Variants in TRPM2 observed in about 807,000 individuals in gnomAD.
The protein encoded by TRPM2 is estrogen-responsive element-associated gene 1 protein.
TRPM2 carries 161 observed loss-of-function variants against 174.0 expected under a neutral mutation model. The observed-to-expected ratio is 0.93, with a 90% CI of 0.81 to 1.05. The LOEUF (loss-of-function observed/expected upper bound fraction) is 1.05. Ranked by LOEUF, TRPM2 falls within the 50% of genes least tolerant of loss-of-function variation. The pLI is 0.00. For missense variants in TRPM2, 2,057 were observed against 2,038.0 expected, an observed-to-expected ratio of 1.01 and a Z score of -0.18; for synonymous variants, 954 against 861.3, an observed-to-expected ratio of 1.11 and a Z score of -1.88.
At chr21:44,401,603 A>G in intron 15 of TRPM2, 78 bp from the exon 16 acceptor site, 2 of 1,475,034 alleles carry the variant, frequency 1.4e-6, no homozygotes, top group Non-Finnish European at 1.9e-6. Flanking sequence ...ACGGGGGATC[A>G]CGGGGTGGCC....
At chr21:44,389,491 T>C (rs527796243) in intron 9 of TRPM2, among the ~76,000 whole-genome samples, 18 of 152,334 alleles carry the variant, frequency 1.2e-4, no homozygotes, top group South Asian at 6.2e-4. Context: ...CTGAAAATAT[T>C]GCATTCTTTT....
chr21:44,409,202 C>T lies in TRPM2; in HGVS notation c.2962+2437C>T, dbSNP rs547462608. Among the ~76,000 whole-genome samples the T allele has an allele frequency of 1.7e-4, 26 of 152,188 alleles. No individual in the cohort carries two copies. The East Asian group carries it at 1.9e-3, about 11-fold the overall frequency. ...GATCATTGTGCTTTTGGTGTCCTAG[C>T]GAAAACCATTGCCGTGATTTATGCC... On this transcript the variant is annotated intron_variant, in intron 19 of 31. Coordinates refer to ENST00000397928, the MANE Select transcript of TRPM2 (RefSeq NM_003307.4).
At chr21:44,394,603 G>A (rs1204434013) in intron 11 of TRPM2, among the ~76,000 whole-genome samples, 1 of 151,682 alleles carries the variant, frequency 6.6e-6, no homozygotes, top group Non-Finnish European at 1.5e-5. Flanking sequence ...ACAGGCGTGA[G>A]CCACCGTGCC....
At chr21:44,374,562 C>G (rs577085128) in intron 5 of TRPM2, among the ~76,000 whole-genome samples, 1 of 152,112 alleles carries the variant, frequency 6.6e-6, no homozygotes, top group African/African-American at 2.4e-5. Flanking sequence ...CTAGACGGTC[C>G]CATCATCTGG....
chr21:44,380,346 G>A (rs1190654437), intron 8 of TRPM2, among the ~76,000 whole-genome samples: 4 of 152,322 alleles, frequency 2.6e-5, no homozygotes, highest in East Asian at 1.9e-4. Context: ...GGCTGTGAGC[G>A]GCCGCTCAGC....
intron 2 of TRPM2, among the ~76,000 whole-genome samples, chr21:44,359,686 C>A (rs1425560730): frequency 1.3e-5 from 2 of 149,352 alleles, no homozygotes; most frequent in Non-Finnish European, 2.9e-5. Flanking sequence ...TTTTACAGAG[C>A]ACTGATTGGT....
Position 44,367,010 on chromosome 21 carries a change from GCCATCAGGACC to G in TRPM2, c.604+78_604+88del. ...TGGAGGCAGTGCTGGGGCAATCAGG[GCCATCAGGACC>G]CAAAAAGTCCCTGGGAGCCGCCGAG... On this transcript the variant is annotated intron_variant, in intron 4 of 31. Coordinates refer to ENST00000397928, the MANE Select transcript of TRPM2 (RefSeq NM_003307.4). This position sits in a 1 kb window ranked among gnomAD's most constrained non-coding sequence, Gnocchi z 4.6. 1.4e-6 allele frequency: 2 copies of G among 1,472,648 alleles called. No homozygotes were observed. The highest frequency in any genetic ancestry group is 1.4e-5 in the South Asian group (1 of 72,092). The allele number at this position is 1,472,648 out of a possible 1,614,324, so 91.2% of individuals were successfully genotyped here. A position where few individuals can be genotyped will look rare whatever the true frequency, so the allele number is the denominator to read the frequency against.
rs565804083 is a variant in TRPM2, at chr21:44,435,217, G to T, written c.4061G>T (p.Arg1354Leu). The T allele has an allele frequency of 1.9e-6, 3 of 1,612,672 alleles. No homozygotes were observed. The highest frequency in any genetic ancestry group is 4.5e-5 in the East Asian group (2 of 44,864). ...PNHTLYPMVT[R>L]WRRNEDGAIC... is the part of the protein sequence containing the mutation. ...CACACGCTGTACCCCATGGTCACGC[G>T]GTGAGTTCATGTGTGCCGGGCACCA... Residue 1354 changes from arginine (R) to leucine (L), a missense_variant and splice_region_variant, in exon 28 of 32, where the codon CGG (arginine) becomes CTG (leucine). Transcript: ENST00000397928.
intron 26 of TRPM2, 112 bp from the exon 27 acceptor site, chr21:44,426,898 C>T: frequency 7.4e-7 from 1 of 1,352,144 alleles, no homozygotes; most frequent in Non-Finnish European, 1.0e-6. Context: ...TTGTGTACAC[C>T]CAGCCTGCAG....
intron 11 of TRPM2, among the ~76,000 whole-genome samples, chr21:44,394,468 C>G (rs576873959): frequency 6.6e-6 from 1 of 151,740 alleles, no homozygotes; most frequent in Non-Finnish European, 1.5e-5. Context: ...TACAGGTGTC[C>G]GCCACCACGC....
Position 44,395,708 on chromosome 21 carries a change from G to A in TRPM2, c.1932+157G>A, listed in dbSNP as rs112738384. 4.2e-4 allele frequency among the ~76,000 whole-genome samples: 3 copies of A among 7,206 alleles called. 1 individual carries two copies. The highest frequency in any genetic ancestry group is 6.2e-3 in the East Asian group (1 of 162). The allele number at this position is 7,206 out of a possible 152,430, so 4.7% of individuals were successfully genotyped here. A position where few individuals can be genotyped will look rare whatever the true frequency, so the allele number is the denominator to read the frequency against. On this transcript the variant is annotated intron_variant, in intron 12 of 31. Transcript: ENST00000397928. ...GGTGTGGAGGGCTGTGGAGGATGTG[G>A]AGGGGTGTGGAGGGCTGTGGAGGGA... is the stretch of plus-strand genomic sequence containing the variant.
intron 15 of TRPM2, among the ~76,000 whole-genome samples, chr21:44,400,971 C>G (rs1269891124): frequency 3.3e-5 from 5 of 152,172 alleles, no homozygotes; most frequent in Admixed American, 3.3e-4. Context: ...AAGACCCCAG[C>G]GAGGTGGCTG....
chr21:44,393,268 G>A (rs1334991057), intron 11 of TRPM2, among the ~76,000 whole-genome samples: 1 of 145,378 alleles, frequency 6.9e-6, no homozygotes, highest in East Asian at 2.0e-4. Flanking sequence ...ATTCATTAAG[G>A]TTTTACAAAG....
In TRPM2 at chr21:44,437,291, A is replaced by T. The variant is rs1428260398; in HGVS notation, c.4167+124A>T. On this transcript the variant is annotated intron_variant, in intron 29 of 31. Transcript: ENST00000397928. ...AGCCCCCTGCAGCCCCTGGGCAGGG[A>T]GGGTTCGAGACCCCGCCTGTTTTGT... The T allele has an allele frequency of 5.8e-6, 5 of 862,258 alleles. No homozygotes were observed. In the South Asian group the frequency reaches 7.8e-5, roughly 13 times the overall value. The allele number at this position is 862,258 out of a possible 1,614,324, so 53.4% of individuals were successfully genotyped here.
At chr21:44,390,139 G>A (rs949372235) in intron 9 of TRPM2, among the ~76,000 whole-genome samples, 9 of 152,032 alleles carry the variant, frequency 5.9e-5, no homozygotes, top group Non-Finnish European at 8.8e-5. Flanking sequence ...CCCAAAATGC[G>A]GGATTACAGG....
chr21:44,379,249 ACT>A (rs1236458396), intron 8 of TRPM2, 52 bp downstream of exon 8: 5 of 1,587,214 alleles, frequency 3.2e-6, no homozygotes, highest in Non-Finnish European at 3.4e-6. Context: ...TTGCAGAGAC[ACT>A]GTCAGCCTGG....
At chr21:44,377,301 C>T (rs138749945) in intron 6 of TRPM2, among the ~76,000 whole-genome samples, 4 of 152,280 alleles carry the variant, frequency 2.6e-5, no homozygotes, top group African/African-American at 4.8e-5. Context: ...CTCGCATCCA[C>T]GCGTGGCAGG....
chr21:44,421,171 AG>A (rs1314756177), intron 22 of TRPM2, among the ~76,000 whole-genome samples: 4 of 152,158 alleles, frequency 2.6e-5, no homozygotes. Context: ...TACAAAAATT[AG>A]CCGGGTGTGG....
rs1006944410 is a variant in TRPM2, at chr21:44,418,012, CCCGCCGCG to C, written c.3238_3245del (p.Ala1080ProfsTer72). The C allele has an allele frequency of 6.2e-7, 1 of 1,612,892 alleles. No homozygotes were observed. The highest frequency in any genetic ancestry group is 8.5e-7 in the Non-Finnish European group (1 of 1,179,986). ...CCTGATCGAGGAGTACCACGGCCGC[CCCGCCGCG>C]CCGCCCCCCTTCATCCTCCTCAGCC... On this transcript the variant is annotated frameshift_variant, in exon 21 of 32. Transcript: ENST00000397928. LOFTEE classifies it high-confidence loss of function.
Sources: gnomAD v4.1 joint callset for allele counts (sites outside exome capture counted in the v4.1 genomes callset) on GRCh38, gnomAD v4.1.1 for gene constraint, Gnocchi (gnomAD v3.1) non-coding constraint, MANE v1.5 for transcripts, NCBI Gene and HGNC (gene_info 2026-07-23, HGNC 2026-07-21) for gene names.